The following ABCA13 variants were observed in gnomAD, a reference collection of about 807,000 sequenced individuals.
The protein encoded by ABCA13 is ATP binding cassette subfamily A member 13, also known as ATP-binding cassette sub-family A member 13.
A neutral mutation model predicts 478.7 loss-of-function variants in ABCA13; 476 were observed. The ratio of observed to expected loss-of-function variants is 0.99; its 90% CI spans 0.92 to 1.07. ABCA13 has a LOEUF of 1.07. ABCA13 is among the 50% of genes least tolerant of loss of function. The probability of loss-of-function intolerance (pLI) is 0.00; values close to 1 mark genes in which losing one functional copy is unlikely to be tolerated. For synonymous variants in ABCA13, 2,252 were observed against 2,158.9 expected, an observed-to-expected ratio of 1.04 and a Z score of -1.20; for missense variants, 6,060 against 5,910.6, an observed-to-expected ratio of 1.03 and a Z score of -0.83.
At chr7:48,184,295 G>A (rs1796075669) in intron 1 of ABCA13, among the ~76,000 whole-genome samples, 2 of 152,086 alleles carry the variant, frequency 1.3e-5, no homozygotes, top group East Asian at 3.9e-4. Context: ...TTGATTTGTA[G>A]GCATTTGTAG....
intron 59 of ABCA13, among the ~76,000 whole-genome samples, chr7:48,623,634 A>AAT (rs1793369742): frequency 6.6e-6 from 1 of 152,270 alleles, no homozygotes; most frequent in East Asian, 1.9e-4. Context: ...AGCTCCACCC[A>AAT]ATATATATAT....
intron 42 of ABCA13, among the ~76,000 whole-genome samples, chr7:48,446,090 G>A (rs1299360389): frequency 2.6e-5 from 4 of 152,156 alleles, no homozygotes; most frequent in Admixed American, 2.0e-4. Flanking sequence ...TGTTCGGAAT[G>A]TAGTTTTAAG....
intron 1 of ABCA13, among the ~76,000 whole-genome samples, chr7:48,174,527 ACTTAT>A (rs1794584353): frequency 6.6e-6 from 1 of 152,154 alleles, no homozygotes; most frequent in South Asian, 2.1e-4. Flanking sequence ...TACCCATCAT[ACTTAT>A]CTTAATACCT....
Position 48,219,461 on chromosome 7 carries a change from C to A in ABCA13, c.395C>A (p.Ala132Glu). 1 of 1,612,670 alleles carries A rather than the reference C, an allele frequency of 6.2e-7. No homozygotes were observed. Among genetic ancestry groups the A allele is most frequent in the African/African-American group, 1.3e-5 (1 of 74,876 alleles). Reference sequence around the variant, plus strand: ...GAAATTCATGGAATGATGGACAAGGCAAAAAACTTAAAAAGACTTTGGGTA... The same window carrying A: ...GAAATTCATGGAATGATGGACAAGGAAAAAAACTTAAAAAGACTTTGGGTA... ...AEEIHGMMDKAKNLKRLWVER... is the reference protein window; with the variant it reads ...AEEIHGMMDKEKNLKRLWVER... The change falls in exon 4 of 62, where the codon GCA (alanine) becomes GAA (glutamate). Residue 132 changes from alanine (A) to glutamate (E), a missense_variant. Coordinates refer to ENST00000435803, the MANE Select transcript of ABCA13 (RefSeq NM_152701.5).
intron 48 of ABCA13, among the ~76,000 whole-genome samples, chr7:48,496,366 C>T (rs1830277626): frequency 1.3e-5 from 2 of 151,820 alleles, no homozygotes; most frequent in African/African-American, 4.8e-5. Flanking sequence ...CTTCAATTTA[C>T]TTTTACCCTG....
intron 39 of ABCA13, among the ~76,000 whole-genome samples, chr7:48,407,996 G>A (rs1818484739): frequency 6.6e-6 from 1 of 152,134 alleles, no homozygotes; most frequent in African/African-American, 2.4e-5. Context: ...CAGATACCAA[G>A]GGACAAATGT....
intron 31 of ABCA13, among the ~76,000 whole-genome samples, chr7:48,354,410 G>A (rs1809562667): frequency 6.6e-6 from 1 of 152,000 alleles, no homozygotes; most frequent in African/African-American, 2.4e-5. Context: ...TCCAGAAATG[G>A]CCTGAGTAAT....
intron 15 of ABCA13, among the ~76,000 whole-genome samples, chr7:48,263,707 T>C (rs1164093588): frequency 6.6e-6 from 1 of 151,424 alleles, no homozygotes; most frequent in Non-Finnish European, 1.5e-5. Flanking sequence ...ATATGGAAGA[T>C]TTTATTTACC....
Position 48,646,960 on chromosome 7 carries a change from AG to A in ABCA13, c.*1449del, listed in dbSNP as rs985068311. The A allele has an allele frequency of 1.3e-5, 2 of 152,232 alleles. No individual in the cohort carries two copies. The highest frequency in any genetic ancestry group is 4.8e-5 in the African/African-American group (2 of 41,462). 9.4% of individuals were successfully genotyped at this position (152,232 alleles called of 1,614,324 possible). A position where few individuals can be genotyped will look rare whatever the true frequency, so the allele number is the denominator to read the frequency against. On this transcript the variant is annotated 3_prime_UTR_variant, in exon 62 of 62. Transcript: ENST00000435803. The stretch of plus-strand genomic sequence containing the variant: ...TATACATCTGAATTTTTCATCCTAT[AG>A]TTAGTAAGATGCATAAAATCAATCC...
At chr7:48,213,065 TA>T (rs1785912428) in intron 3 of ABCA13, among the ~76,000 whole-genome samples, 1 of 152,194 alleles carries the variant, frequency 6.6e-6, no homozygotes, top group East Asian at 1.9e-4. Flanking sequence ...CTTTTGTTTA[TA>T]GGTACAATTT....
chr7:48,260,593 A>C (rs2128721178), intron 15 of ABCA13, among the ~76,000 whole-genome samples: 1 of 152,142 alleles, frequency 6.6e-6, no homozygotes, highest in East Asian at 1.9e-4. Context: ...TTGAGTTAAT[A>C]ATTGTCTCAT....
chr7:48,533,395 C>T (rs775067422), intron 55 of ABCA13, among the ~76,000 whole-genome samples: 3 of 152,034 alleles, frequency 2.0e-5, no homozygotes, highest in South Asian at 4.1e-4. Context: ...TAAATTTACT[C>T]AGACTTGTTT....
At chr7:48,382,762 ATT>A (rs3065600) in intron 35 of ABCA13, among the ~76,000 whole-genome samples, 15,891 of 144,334 alleles carry the variant, frequency 0.11, 877 homozygotes, top group African/African-American at 0.13. Context: ...TCTCTCAATG[ATT>A]TTTTTTTTTT....
At chr7:48,281,530 T>A (rs1797036770) in intron 19 of ABCA13, 78 bp downstream of exon 19, 3 of 1,252,118 alleles carry the variant, frequency 2.4e-6, no homozygotes, top group Non-Finnish European at 3.4e-6. Flanking sequence ...GAGATGAGTA[T>A]ATTGCACTTG....
intron 19 of ABCA13, among the ~76,000 whole-genome samples, chr7:48,284,837 A>G (rs537562561): frequency 1.3e-5 from 2 of 152,222 alleles, no homozygotes; most frequent in Non-Finnish European, 2.9e-5. Context: ...GCAGTGACAG[A>G]TCCCATAAAG....
At chr7:48,342,215 T>C (rs1333629672) in intron 29 of ABCA13, among the ~76,000 whole-genome samples, 2 of 152,204 alleles carry the variant, frequency 1.3e-5, no homozygotes, top group African/African-American at 2.4e-5. Context: ...TTTCATTTGC[T>C]TAACATTTAT....
intron 1 of ABCA13, among the ~76,000 whole-genome samples, chr7:48,172,857 G>A (rs1794334692): frequency 1.4e-5 from 2 of 145,956 alleles, no homozygotes; most frequent in Non-Finnish European, 3.0e-5. Context: ...AGGAATAAAG[G>A]AGTGAGACAG....
intron 57 of ABCA13, among the ~76,000 whole-genome samples, 159 bp from the exon 58 acceptor site, chr7:48,594,551 G>C (rs1322436295): frequency 6.6e-6 from 1 of 152,094 alleles, no homozygotes; most frequent in African/African-American, 2.4e-5. Context: ...TATCATTCTG[G>C]CTTTGTTGAG....
chr7:48,268,850 CTTTTTTTTTTTTTTT>C, intron 15 of ABCA13, 115 bp from the exon 16 acceptor site: 1 of 244,872 alleles, frequency 4.1e-6, no homozygotes, highest in Non-Finnish European at 7.5e-6. Context: ...TCCTACTCAT[CTTTTTTTTTTTTTTT>C]TTTTTTTTAA....
Sources: allele counts gnomAD v4.1 joint callset (sites outside exome capture counted in the v4.1 genomes callset), GRCh38; gene constraint gnomAD v4.1.1; transcripts MANE v1.5; gene names NCBI Gene and HGNC (gene_info 2026-07-23, HGNC 2026-07-21).